ZRANB1: variants seen among roughly 807,000 people sequenced by gnomAD.
The protein encoded by ZRANB1 is zinc finger RANBP2-type containing 1, also known as ubiquitin thioesterase ZRANB1.
ZRANB1 carries 16 observed loss-of-function variants against 80.5 expected under a neutral mutation model. That is an observed-to-expected ratio of 0.20 (90% CI 0.13 to 0.30). The LOEUF is 0.30. ZRANB1 is among the 10% of genes least tolerant of loss of function. ZRANB1 has a pLI of 1.00. For synonymous variants in ZRANB1, 291 were observed against 293.1 expected (o/e 0.99, Z 0.07); for missense variants, 576 against 862.6 (o/e 0.67, Z 4.16).
intron 3 of ZRANB1, 152 bp downstream of exon 3, chr10:124,972,270 G>A: frequency 3.1e-6 from 2 of 654,276 alleles, no homozygotes; most frequent in Non-Finnish European, 4.8e-6. Context: ...TGCTGGAAGT[G>A]AGCATACAGA....
chr10:124,959,680 G>A (rs528313040), intron 1 of ZRANB1, among the ~76,000 whole-genome samples: 1 of 152,100 alleles, frequency 6.6e-6, no homozygotes. Context: ...GGCTGGTCTT[G>A]AACTGCTGAG....
the ZRANB1 span, among the ~76,000 whole-genome samples, chr10:124,924,443 A>T: frequency 6.6e-6 from 1 of 152,142 alleles, no homozygotes; most frequent in African/African-American, 2.4e-5. Context: ...GAACATTTTC[A>T]TGACCCCAAA....
the ZRANB1 span, among the ~76,000 whole-genome samples, chr10:124,935,681 C>T: frequency 6.6e-6 from 1 of 152,340 alleles, no homozygotes; most frequent in Admixed American, 6.5e-5. Context: ...GAGTTGATTC[C>T]ATCCTCTCTA....
chr10:124,924,518 T>C, the ZRANB1 span, among the ~76,000 whole-genome samples: 12 of 152,266 alleles, frequency 7.9e-5, no homozygotes, highest in South Asian at 2.5e-3. Flanking sequence ...ACCACTAATC[T>C]ACTTTGTCTC....
intron 2 of ZRANB1, among the ~76,000 whole-genome samples, chr10:124,971,429 TA>T (rs970872590): frequency 6.6e-6 from 1 of 152,208 alleles, no homozygotes; most frequent in African/African-American, 2.4e-5. Context: ...AATGCTTTTT[TA>T]AAAACTCAAG....
chr10:124,920,914 A>G, the ZRANB1 span, among the ~76,000 whole-genome samples: 4 of 152,144 alleles, frequency 2.6e-5, no homozygotes, highest in Non-Finnish European at 5.9e-5. Flanking sequence ...ATGGTCTGAC[A>G]AAGTATTTTT....
the ZRANB1 span, among the ~76,000 whole-genome samples, chr10:124,922,244 TTATATATATA>T: frequency 8.4e-6 from 1 of 119,094 alleles, no homozygotes. Context: ...TGAGCCCAAA[TTATATATATA>T]TGTAAAATAT....
At position 124,966,769 on chromosome 10, in the gene ZRANB1, A is replaced by G; in HGVS notation, c.990A>G (p.Ile330Met). 6.2e-7 allele frequency: 1 copy of G among 1,613,314 alleles called. No individual in the cohort carries two copies. The highest frequency in any genetic ancestry group is 8.5e-7 in the Non-Finnish European group (1 of 1,179,314). The change falls in exon 2 of 9, where the codon ATA (isoleucine) becomes ATG (methionine). Residue 330 changes from isoleucine (I) to methionine (M), a missense_variant. Transcript: ENST00000359653. ...IRFQRQDMLA[I>M]LLTEVSQQAA... ...TTCAGAGGCAGGATATGCTAGCAAT[A>G]TTGCTTACAGAGGTAAGTTTGGCGT...
chr10:124,940,621 T>C, upstream of ZRANB1: 1 of 989,318 alleles, frequency 1.0e-6, no homozygotes. Context: ...CTTAGCAGAG[T>C]TCACACTATA....
chr10:124,922,281 A>AATATATATATATATGTAAAATATAT, the ZRANB1 span, among the ~76,000 whole-genome samples: 2 of 87,454 alleles, frequency 2.3e-5, no homozygotes, highest in Non-Finnish European at 4.6e-5. Flanking sequence ...ATATATGTAA[A>AATATATATATATATGTAAAATATAT]ATATATATAT....
upstream of ZRANB1, among the ~76,000 whole-genome samples, chr10:124,938,171 G>A (rs189355178): frequency 1.2e-3 from 186 of 152,188 alleles, 1 homozygote; most frequent in Admixed American, 7.1e-3. Context: ...ATAATTTTAT[G>A]TACTTTTTGG....
intron 2 of ZRANB1, among the ~76,000 whole-genome samples, chr10:124,968,777 G>T (rs758999740): frequency 6.6e-6 from 1 of 152,190 alleles, no homozygotes; most frequent in Non-Finnish European, 1.5e-5. Flanking sequence ...TTTTAGAGGG[G>T]CCATTGTGAG....
Position 124,942,304 on chromosome 10 carries a change from TA to T in ZRANB1, c.-184del, listed in dbSNP as rs1409665846. On this transcript the variant is annotated 5_prime_UTR_variant, in exon 1 of 9. An upstream open reading frame in the 5' UTR loses its in-frame stop. Transcript: ENST00000359653. ...TTATCTCCAGTGTTTCTATGGAAAT[TA>T]AAAAAGAAAATTAGGATAATTCAAT... 6.4e-6 allele frequency: 9 copies of T among 1,409,438 alleles called. No homozygotes were observed. Among genetic ancestry groups the T allele is most frequent in the Non-Finnish European group, 8.3e-6 (9 of 1,086,724 alleles). 87.3% of individuals were successfully genotyped at this position (1,409,438 alleles called of 1,614,324 possible).
chr10:124,923,710 G>A, the ZRANB1 span, among the ~76,000 whole-genome samples: 19 of 151,908 alleles, frequency 1.3e-4, no homozygotes, highest in Non-Finnish European at 2.2e-4. Flanking sequence ...CCTTCACAAG[G>A]CAGGAGAGAG....
chr10:124,957,694 G>A (rs546833889), intron 1 of ZRANB1, among the ~76,000 whole-genome samples: 16 of 150,860 alleles, frequency 1.1e-4, no homozygotes, highest in Non-Finnish European at 1.9e-4. Flanking sequence ...TGTCTTTAAG[G>A]TTCATCTGTG....
At chr10:124,981,878 A>T in intron 6 of ZRANB1, 49 bp downstream of exon 6, 1 of 1,604,084 alleles carries the variant, frequency 6.2e-7, no homozygotes, top group East Asian at 2.2e-5. Context: ...GTAAGCATGT[A>T]GTCTAAACTG....
chr10:124,935,218 T>G, the ZRANB1 span, among the ~76,000 whole-genome samples: 1 of 152,230 alleles, frequency 6.6e-6, no homozygotes, highest in African/African-American at 2.4e-5. Context: ...TTGATGTAGT[T>G]GTATACTTAA....
the ZRANB1 span, among the ~76,000 whole-genome samples, chr10:124,921,846 G>A: frequency 6.6e-6 from 1 of 151,796 alleles, no homozygotes; most frequent in South Asian, 2.1e-4. Flanking sequence ...TGGAAGGGTG[G>A]TATTTTGGTT....
intron 5 of ZRANB1, among the ~76,000 whole-genome samples, chr10:124,975,851 A>T (rs868335475): frequency 6.6e-6 from 1 of 152,164 alleles, no homozygotes; most frequent in Non-Finnish European, 1.5e-5. Flanking sequence ...AAAATACAAA[A>T]ATTAGCCAGG....
Sources: allele counts gnomAD v4.1 joint callset (sites outside exome capture counted in the v4.1 genomes callset), GRCh38; gene constraint gnomAD v4.1.1; transcripts MANE v1.5; gene names NCBI Gene and HGNC (gene_info 2026-07-23, HGNC 2026-07-21).